Variants in ENG observed in about 807,000 individuals in gnomAD.
ENG encodes the protein endoglin.
ENG carries 17 observed loss-of-function variants against 71.0 expected under a neutral mutation model. That is an observed-to-expected ratio of 0.24 (90% CI 0.16 to 0.36). The LOEUF (loss-of-function observed/expected upper bound fraction) is 0.36. ENG is among the 10% of genes least tolerant of loss of function. The pLI, the probability that ENG is intolerant of heterozygous loss-of-function variation, is 1.00. For synonymous variants in ENG, 360 were observed against 366.9 expected (o/e 0.98, Z 0.21); for missense variants, 749 against 868.3 (o/e 0.86, Z 1.73).
rs371781893 is a variant in ENG at position 127,819,686 on chromosome 9, G to A, written c.1273-26C>T. ...CTGCGGGGATAAAGCCAGGGAGCTG[G>A]TCAGAGCCAGAAAGGACCCCAGAGG... On this transcript the variant is annotated intron_variant, in intron 9 of 14. Transcript: ENST00000373203. 4.4e-6 allele frequency: 7 copies of A among 1,599,684 alleles called. No individual in the cohort carries two copies. The African/African-American group carries it at 5.4e-5, about 12-fold the overall frequency.
At chr9:127,816,783 CAAGG>C in intron 13 of ENG, 1 of 374,712 alleles carries the variant, frequency 2.7e-6, no homozygotes, top group South Asian at 2.4e-5. Flanking sequence ...GGAGAGGCCT[CAAGG>C]AAGGCAAGGC....
At chr9:127,842,040 T>C (rs1455432657) in intron 2 of ENG, among the ~76,000 whole-genome samples, 2 of 152,048 alleles carry the variant, frequency 1.3e-5, no homozygotes, top group Non-Finnish European at 2.9e-5. Context: ...AACAAAGGTG[T>C]TGTTATTATT....
Position 127,817,218 on chromosome 9 carries a change from G to A in ENG, c.1687-15C>T, listed in dbSNP as rs1327054305. The A allele has an allele frequency of 1.7e-5, 27 of 1,613,434 alleles. No homozygotes were observed. The highest frequency in any genetic ancestry group is 2.2e-5 in the Non-Finnish European group (26 of 1,179,814). The stretch of plus-strand genomic sequence containing the variant: ...CTATGGACTTCCTGGAGGAGAAAGA[G>A]AGAGCAGTATGTGGCACCTTTGGGA... On this transcript the variant is annotated splice_polypyrimidine_tract_variant and intron_variant, in intron 12 of 14. Coordinates refer to ENST00000373203, the MANE Select transcript of ENG (RefSeq NM_001114753.3).
intron 1 of ENG, among the ~76,000 whole-genome samples, chr9:127,850,394 T>C (rs1812945043): frequency 6.6e-6 from 1 of 152,208 alleles, no homozygotes; most frequent in African/African-American, 2.4e-5. Flanking sequence ...AAAGAATGGG[T>C]CTGTCGCCCG....
At chr9:127,839,523 G>A (rs1049824254) in intron 2 of ENG, among the ~76,000 whole-genome samples, 23 of 152,178 alleles carry the variant, frequency 1.5e-4, no homozygotes, top group African/African-American at 5.1e-4. Flanking sequence ...TGCTGAAAAT[G>A]AATTCACAGC....
At chr9:127,819,296 A>G (rs1830415782) in intron 10 of ENG, 1 of 384,526 alleles carries the variant, frequency 2.6e-6, no homozygotes, top group Admixed American at 4.0e-5. Context: ...GGCTGTGTGA[A>G]GAGCTTCCAC....
intron 1 of ENG, among the ~76,000 whole-genome samples, chr9:127,847,469 C>T (rs13290240): frequency 0.87 from 131,845 of 151,750 alleles, 57,684 homozygotes; most frequent in South Asian, 0.95. Context: ...CCCCCCTTTT[C>T]TTTTCTGAGA....
intron 8 of ENG, among the ~76,000 whole-genome samples, chr9:127,822,051 GA>G (rs557178225): frequency 1.3e-5 from 2 of 148,182 alleles, no homozygotes; most frequent in Admixed American, 6.8e-5. Context: ...CTGTCTCAAA[GA>G]AAAAAAAAGA....
intron 1 of ENG, among the ~76,000 whole-genome samples, 161 bp from the exon 2 acceptor site, chr9:127,843,406 T>TA (rs1310561309): frequency 6.6e-6 from 1 of 151,500 alleles, no homozygotes; most frequent in Non-Finnish European, 1.5e-5. Flanking sequence ...TTCCATGGAT[T>TA]AAAAAAAACC....
At chr9:127,825,652 C>T in intron 5 of ENG, 43 bp downstream of exon 5, 1 of 1,435,572 alleles carries the variant, frequency 7.0e-7, no homozygotes, top group Non-Finnish European at 9.1e-7. Flanking sequence ...GGGGTGGTCT[C>T]TCGGGGTGGG....
intron 1 of ENG, among the ~76,000 whole-genome samples, chr9:127,853,135 C>T (rs1271294341): frequency 6.6e-6 from 1 of 152,098 alleles, no homozygotes; most frequent in African/African-American, 2.4e-5. Context: ...TTTAGGGAGC[C>T]GCAGGCCGGG....
In ENG at chr9:127,836,710, A is replaced by T. The variant is rs1830910609; in HGVS notation, c.219+6384T>A. Among the ~76,000 whole-genome samples the T allele has an allele frequency of 6.6e-6, 1 of 152,200 alleles. No individual in the cohort carries two copies. Among genetic ancestry groups the T allele is most frequent in the South Asian group, 2.1e-4 (1 of 4,826 alleles). ...TCCTGATTTGGAAAATGGTATTCCC[A>T]CTTCATTGACTTATGAGGTTTCAGT... On this transcript the variant is annotated intron_variant, in intron 2 of 14. Coordinates refer to ENST00000373203, the MANE Select transcript of ENG (RefSeq NM_001114753.3). The surrounding 1 kb of genome is among the most constrained non-coding windows in gnomAD (Gnocchi z 4.0).
intron 3 of ENG, among the ~76,000 whole-genome samples, chr9:127,829,032 T>A (rs181572795): frequency 1.3e-5 from 2 of 152,252 alleles, no homozygotes; most frequent in Non-Finnish European, 2.9e-5. Flanking sequence ...GGGTCCCAGC[T>A]CCCTGACCTC....
intron 8 of ENG, among the ~76,000 whole-genome samples, chr9:127,822,985 C>T (rs566038420): frequency 1.3e-5 from 2 of 151,804 alleles, no homozygotes; most frequent in African/African-American, 2.4e-5. Context: ...GGACTACAGG[C>T]GTGCACCACC....
intron 1 of ENG, 122 bp downstream of exon 1, chr9:127,854,166 AG>A (rs1173148366): frequency 2.0e-6 from 2 of 1,008,924 alleles, no homozygotes; most frequent in African/African-American, 3.2e-5. Context: ...GTGACCCTCC[AG>A]AGCCCCAAGG....
At chr9:127,818,615 ACT>A (rs1341599336) in intron 11 of ENG, 99 bp downstream of exon 11, 51 of 1,444,926 alleles carry the variant, frequency 3.5e-5, no homozygotes, top group Middle Eastern at 3.6e-4. Context: ...CTCCCTCCTG[ACT>A]CTGGGAGTCT....
intron 2 of ENG, among the ~76,000 whole-genome samples, chr9:127,830,340 T>TA (rs141738433): frequency 0.027 from 1,784 of 66,782 alleles, 39 homozygotes; most frequent in African/African-American, 0.06. Context: ...AGACTCCATC[T>TA]AAAAAAAAAA....
intron 3 of ENG, among the ~76,000 whole-genome samples, chr9:127,827,799 T>G (rs1397973250): frequency 6.6e-6 from 1 of 151,712 alleles, no homozygotes; most frequent in Non-Finnish European, 1.5e-5. Context: ...GTGGATCCCC[T>G]GAGGTCAGGA....
rs41429144 is a variant in ENG, at chr9:127,816,346, G to A, written c.1742-293C>T. On this transcript the variant is annotated intron_variant, in intron 13 of 14. Transcript: ENST00000373203. ...TCAGGGAGGATGGATGGGGTAACGTGAGGAAACTGAGGCTCGGGAGTACAG... is the reference window on the plus strand; with the variant it reads ...TCAGGGAGGATGGATGGGGTAACGTAAGGAAACTGAGGCTCGGGAGTACAG... The A allele has an allele frequency of 0.022, 10,744 of 495,558 alleles. 744 individuals are homozygous for A. Among genetic ancestry groups the A allele is most frequent in the African/African-American group, 0.16 (8,348 of 51,646 alleles). The allele number at this position is 495,558 out of a possible 1,614,324, so 30.7% of individuals were successfully genotyped here.
Sources: allele counts gnomAD v4.1 joint callset (sites outside exome capture counted in the v4.1 genomes callset), GRCh38; gene constraint gnomAD v4.1.1; non-coding constraint Gnocchi (gnomAD v3.1); transcripts MANE v1.5; gene names NCBI Gene and HGNC (gene_info 2026-07-23, HGNC 2026-07-21).